Variants in DLGAP1 observed in about 807,000 individuals in gnomAD.
DLGAP1 encodes the protein disks large-associated protein 1.
In DLGAP1, 11 loss-of-function variants were observed where a neutral mutation model predicts 90.8. The observed-to-expected ratio is 0.12, with a 90% CI of 0.08 to 0.20. DLGAP1 has a LOEUF of 0.20. Among genes scored for constraint, DLGAP1 ranks in the 10% least tolerant of loss-of-function variants. The probability of loss-of-function intolerance (pLI) is 1.00; values close to 1 mark genes in which losing one functional copy is unlikely to be tolerated. For synonymous variants in DLGAP1, 558 were observed against 540.7 expected (o/e 1.03, Z -0.44); for missense variants, 1,050 against 1,333.8 (o/e 0.79, Z 3.31).
intron 7 of DLGAP1, among the ~76,000 whole-genome samples, chr18:3,610,398 C>T (rs1236486835): frequency 6.6e-6 from 1 of 152,234 alleles, no homozygotes; most frequent in East Asian, 1.9e-4. Context: ...CACTTAACCA[C>T]AGACTACCTT....
chr18:4,361,189 CATAAT>C lies in DLGAP1; in HGVS notation c.-267+93812_-267+93816del, dbSNP rs146224190. 7.5e-3 allele frequency among the ~76,000 whole-genome samples: 1,134 copies of C among 152,086 alleles called. 16 individuals carry two copies. Among genetic ancestry groups the C allele is most frequent in the African/African-American group, 0.026 (1,067 of 41,494 alleles). On this transcript the variant is annotated intron_variant, in intron 1 of 12. Coordinates refer to ENST00000315677, the MANE Select transcript of DLGAP1 (RefSeq NM_004746.4). ...TAATAATAATGTTTCTATGAAATAA[CATAAT>C]ATATTTTATTGATATGTGCAAATAA...
chr18:3,892,433 T>C (rs2071494879), intron 3 of DLGAP1, among the ~76,000 whole-genome samples: 2 of 152,294 alleles, frequency 1.3e-5, no homozygotes, highest in South Asian at 4.1e-4. Context: ...CCATTGACTC[T>C]GTGTTTCATG....
intron 3 of DLGAP1, among the ~76,000 whole-genome samples, chr18:3,937,469 G>A (rs2072667612): frequency 6.6e-6 from 1 of 152,078 alleles, no homozygotes; most frequent in African/African-American, 2.4e-5. Flanking sequence ...GGGGGAACCT[G>A]CCCCCATGAT....
chr18:3,527,003 G>A (rs528729546), intron 10 of DLGAP1, among the ~76,000 whole-genome samples: 1 of 151,870 alleles, frequency 6.6e-6, no homozygotes, highest in East Asian at 1.9e-4. Context: ...AGGTACTGTC[G>A]ACGGTTGGGG....
chr18:3,840,241 C>T (rs2068638875), intron 4 of DLGAP1, among the ~76,000 whole-genome samples: 1 of 152,134 alleles, frequency 6.6e-6, no homozygotes, highest in African/African-American at 2.4e-5. Flanking sequence ...CATCAAATTA[C>T]CATAAACCCA....
chr18:3,877,229 A>T (rs1417658229), intron 4 of DLGAP1, among the ~76,000 whole-genome samples: 2 of 152,188 alleles, frequency 1.3e-5, no homozygotes, highest in Non-Finnish European at 2.9e-5. Flanking sequence ...CACTTTCCTT[A>T]TCTTTCCACT....
intron 2 of DLGAP1, among the ~76,000 whole-genome samples, chr18:4,089,649 T>C (rs1454603585): frequency 1.3e-5 from 2 of 152,222 alleles, no homozygotes; most frequent in African/African-American, 4.8e-5. Flanking sequence ...TACAAACGTC[T>C]GATCTTCAAC....
At chr18:3,769,539 T>C (rs1182977025) in intron 5 of DLGAP1, among the ~76,000 whole-genome samples, 1 of 152,184 alleles carries the variant, frequency 6.6e-6, no homozygotes, top group Non-Finnish European at 1.5e-5. Flanking sequence ...AGTACATCCA[T>C]GGAATACTTC....
chr18:3,508,882 C>T (rs981950813), intron 10 of DLGAP1, among the ~76,000 whole-genome samples: 1 of 152,076 alleles, frequency 6.6e-6, no homozygotes, highest in Non-Finnish European at 1.5e-5. Flanking sequence ...CTTGGAAAAA[C>T]ACATGCTCCT....
At chr18:4,430,527 T>TGG (rs1022410290) in intron 1 of DLGAP1, 1 of 152,644 alleles carries the variant, frequency 6.6e-6, no homozygotes, top group African/African-American at 2.4e-5. Context: ...TGTGTGTGTG[T>TGG]GTGTGTGTGT....
At chr18:3,970,282 C>A (rs549096695) in intron 3 of DLGAP1, among the ~76,000 whole-genome samples, 1 of 152,122 alleles carries the variant, frequency 6.6e-6, no homozygotes. Flanking sequence ...GAGATGAATT[C>A]TTTGCATATT....
At chr18:3,641,586 TACACACACAC>T (rs61136246) in intron 7 of DLGAP1, among the ~76,000 whole-genome samples, 15 of 135,460 alleles carry the variant, frequency 1.1e-4, no homozygotes, top group Admixed American at 2.3e-4. Flanking sequence ...CATATATATA[TACACACACAC>T]ACACACACAC....
At chr18:4,032,325 G>C (rs867324190) in intron 2 of DLGAP1, among the ~76,000 whole-genome samples, 2 of 152,166 alleles carry the variant, frequency 1.3e-5, no homozygotes, top group African/African-American at 4.8e-5. Flanking sequence ...GAAAATCTCT[G>C]TAGTCTACCT....
intron 3 of DLGAP1, among the ~76,000 whole-genome samples, chr18:3,991,149 A>G (rs534037449): frequency 2.2e-4 from 34 of 151,954 alleles, no homozygotes; most frequent in Non-Finnish European, 4.6e-4. Context: ...ATTTGTTTTA[A>G]TTTCTAATAA....
intron 1 of DLGAP1, among the ~76,000 whole-genome samples, chr18:4,180,619 T>G (rs2077191236): frequency 6.6e-6 from 1 of 152,182 alleles, no homozygotes; most frequent in South Asian, 2.1e-4. Flanking sequence ...ACAAAAAGTT[T>G]CAATACTAGT....
intron 5 of DLGAP1, among the ~76,000 whole-genome samples, chr18:3,746,288 T>G (rs1466213762): frequency 6.6e-6 from 1 of 152,146 alleles, no homozygotes; most frequent in Non-Finnish European, 1.5e-5. Flanking sequence ...TAATCTCAAT[T>G]TCTATACTTA....
Position 3,502,516 on chromosome 18 carries a change from G to C in DLGAP1, c.2701C>G (p.Gln901Glu), listed in dbSNP as rs374281377. 1.2e-5 allele frequency: 19 copies of C among 1,613,976 alleles called. No homozygotes were observed. The highest frequency in any genetic ancestry group is 1.6e-5 in the Non-Finnish European group (19 of 1,180,018). Residue 901 changes from glutamine (Q) to glutamate (E), a missense_variant, in exon 12 of 13, where the codon CAG becomes GAG. Gln to Glu is a conservative substitution (Grantham distance 29). Coordinates refer to ENST00000315677, the MANE Select transcript of DLGAP1 (RefSeq NM_004746.4). ...ACCTTCTTGTCAAGAGGATCCATCT[G>C]TTTCCAATTATTGGCCTTTAACTGA... The part of the protein sequence containing the change: ...LHQLKANNWK[Q>E]MDPLDKKERR...
At chr18:4,439,893 C>A (rs1454297364) in intron 1 of DLGAP1, among the ~76,000 whole-genome samples, 1 of 151,784 alleles carries the variant, frequency 6.6e-6, no homozygotes, top group Non-Finnish European at 1.5e-5. Context: ...CTGAGGCGGG[C>A]AGATCACAAG....
At chr18:3,591,382 T>C (rs1183605575) in intron 7 of DLGAP1, among the ~76,000 whole-genome samples, 1 of 152,068 alleles carries the variant, frequency 6.6e-6, no homozygotes, top group Non-Finnish European at 1.5e-5. Flanking sequence ...AGGAAAGGCA[T>C]GTAGGATTAG....
Sources: gnomAD v4.1 joint callset for allele counts (sites outside exome capture counted in the v4.1 genomes callset) on GRCh38, gnomAD v4.1.1 for gene constraint, MANE v1.5 for transcripts, NCBI Gene and HGNC (gene_info 2026-07-23, HGNC 2026-07-21) for gene names.